The following CFAP69 variants were observed in gnomAD, a reference collection of about 807,000 sequenced individuals.
The protein encoded by CFAP69 is cilia- and flagella-associated protein 69.
In CFAP69, 92 loss-of-function variants were observed where a neutral mutation model predicts 123.0. The observed-to-expected ratio is 0.75, with a 90% CI of 0.63 to 0.89. The LOEUF is 0.89. Ranked by LOEUF, CFAP69 falls within the 40% of genes least tolerant of loss-of-function variation. The pLI, the probability that CFAP69 is intolerant of heterozygous loss-of-function variation, is 0.00. For synonymous variants in CFAP69, 380 were observed against 364.3 expected (o/e 1.04, Z -0.49); for missense variants, 1,067 against 1,096.9 (o/e 0.97, Z 0.39).
intron 20 of CFAP69, 33 bp from the exon 21 acceptor site, chr7:90,307,735 G>T: frequency 3.5e-6 from 5 of 1,414,532 alleles, no homozygotes; most frequent in Non-Finnish European, 3.9e-6. Flanking sequence ...AGAAAAAAAA[G>T]AAACTGAAAC....
chr7:90,255,349 ATAAAT>A, intron 1 of CFAP69, 69 bp from the exon 2 acceptor site: 2 of 1,184,906 alleles, frequency 1.7e-6, no homozygotes, highest in Non-Finnish European at 2.5e-6. Flanking sequence ...AAAGTATCAT[ATAAAT>A]TAGTGTGTTA....
chr7:90,299,880 A>C lies in CFAP69; in HGVS notation c.1871A>C (p.Lys624Thr). 1 of 1,602,270 alleles carries C rather than the reference A, an allele frequency of 6.2e-7. No individual in the cohort carries two copies. Among genetic ancestry groups the C allele is most frequent in the South Asian group, 1.1e-5 (1 of 88,214 alleles). The change falls in exon 17 of 23, where the codon AAA becomes ACA. Residue 624 changes from lysine (K) to threonine (T), a missense_variant. Coordinates refer to ENST00000389297, the MANE Select transcript of CFAP69 (RefSeq NM_001039706.3). ...LLDLLALNQK[K>T]FCNLILGIMV... ...TCCTTGCTAAAGTTGAACCAAAAAA[A>C]ATTCTGTAATCTAATACTTGGAATA...
intron 1 of CFAP69, among the ~76,000 whole-genome samples, chr7:90,246,029 C>T (rs1208326939): frequency 1.3e-5 from 2 of 152,084 alleles, no homozygotes; most frequent in Non-Finnish European, 2.9e-5. Context: ...GGGAGGAAAA[C>T]GCTGTTAAAT....
downstream of CFAP69, among the ~76,000 whole-genome samples, chr7:90,311,511 C>T (rs1794327055): frequency 6.6e-6 from 1 of 152,186 alleles, no homozygotes; most frequent in African/African-American, 2.4e-5. Flanking sequence ...CCATTGAATA[C>T]ATGGTTGGGA....
chr7:90,245,997 C>T (rs1023953219), intron 1 of CFAP69, among the ~76,000 whole-genome samples: 2 of 152,084 alleles, frequency 1.3e-5, no homozygotes, highest in African/African-American at 4.8e-5. Context: ...AAATTTGCTG[C>T]GACTAAAGCC....
intron 16 of CFAP69, among the ~76,000 whole-genome samples, chr7:90,298,341 T>C (rs1223735751): frequency 6.6e-6 from 1 of 152,184 alleles, no homozygotes; most frequent in Admixed American, 6.5e-5. Context: ...GGCCTTCCAA[T>C]AGAGACAGTG....
intron 13 of CFAP69, among the ~76,000 whole-genome samples, chr7:90,285,881 G>T (rs186644722): frequency 2.0e-5 from 3 of 152,282 alleles, no homozygotes; most frequent in Non-Finnish European, 4.4e-5. Flanking sequence ...TGAGGCTATG[G>T]ATTACATTCA....
chr7:90,245,244 G>A lies in CFAP69; in HGVS notation c.-181G>A. The A allele has an allele frequency of 1.4e-6, 1 of 726,276 alleles. No individual in the cohort carries two copies. Among genetic ancestry groups the A allele is most frequent in the Non-Finnish European group, 2.0e-6 (1 of 499,286 alleles). The allele number at this position is 726,276 out of a possible 1,614,324, so 45.0% of individuals were successfully genotyped here. A position where few individuals can be genotyped will look rare whatever the true frequency, so the allele number is the denominator to read the frequency against. Reference sequence around the variant, plus strand: ...CTGGGTCAACTGGGGGGCGGCAGCGGCGCTAAGCGGACTGTATGGCGGTGG... The same window carrying A: ...CTGGGTCAACTGGGGGGCGGCAGCGACGCTAAGCGGACTGTATGGCGGTGG... On this transcript the variant is annotated 5_prime_UTR_variant, in exon 1 of 23. Coordinates refer to ENST00000389297, the MANE Select transcript of CFAP69 (RefSeq NM_001039706.3).
chr7:90,298,599 C>T (rs1331051014), intron 16 of CFAP69, among the ~76,000 whole-genome samples: 1 of 152,130 alleles, frequency 6.6e-6, no homozygotes, highest in Non-Finnish European at 1.5e-5. Context: ...GCCCCTTAAC[C>T]TCCCTGAAAG....
chr7:90,319,388 TG>T, the CFAP69 span: 5 of 398,458 alleles, frequency 1.3e-5, no homozygotes, highest in East Asian at 1.4e-4. Context: ...AAATTATATT[TG>T]GGGGGCATCA....
chr7:90,313,154 T>C (rs1221294725), downstream of CFAP69, among the ~76,000 whole-genome samples: 1 of 152,224 alleles, frequency 6.6e-6, no homozygotes, highest in Admixed American at 6.5e-5. Flanking sequence ...ATTCTTCTGA[T>C]AATGTAGTTT....
At position 90,264,104 on chromosome 7, in the gene CFAP69, AATATATATATATATATATATATAT is replaced by A. The variant is rs71104454; in HGVS notation, c.357-1174_357-1151del. 1.4e-4 allele frequency among the ~76,000 whole-genome samples: 7 copies of A among 48,890 alleles called. 1 individual carries two copies. In the Admixed American group the frequency reaches 1.9e-3, roughly 14 times the overall value. 32.1% of individuals were successfully genotyped at this position (48,890 alleles called of 152,430 possible). A position where few individuals can be genotyped will look rare whatever the true frequency, so the allele number is the denominator to read the frequency against. ...AGACTCCATCTCGAAAAAAAAAAAAAATATATATATATATATATATATATATATATATATATATATATATATGAA... is the reference window on the plus strand; with the variant it reads ...AGACTCCATCTCGAAAAAAAAAAAAAATATATATATATATATATATATGAA... On this transcript the variant is annotated intron_variant, in intron 4 of 22. Coordinates refer to ENST00000389297, the MANE Select transcript of CFAP69 (RefSeq NM_001039706.3).
At position 90,310,104 on chromosome 7, in the gene CFAP69, C is replaced by G; in HGVS notation, c.2692C>G (p.Pro898Ala). 6.2e-7 allele frequency: 1 copy of G among 1,613,742 alleles called. No individual in the cohort carries two copies. The highest frequency in any genetic ancestry group is 8.5e-7 in the Non-Finnish European group (1 of 1,179,778). Residue 898 changes from proline to alanine, a missense_variant, in exon 23 of 23, where the codon CCT becomes GCT. Physicochemically the swap from Pro to Ala is conservative, Grantham distance 27. Transcript: ENST00000389297. ...TGGAGTAGTAACAGTGGAAAGCACT[C>G]CTGCCCGATTAGTAGGAGGACCTCT... is the stretch of plus-strand genomic sequence containing the variant. ...SGGVVTVEST[P>A]ARLVGGPLVD...
At chr7:90,302,824 T>C (rs1051515599) in intron 17 of CFAP69, 3 of 152,206 alleles carry the variant, frequency 2.0e-5, no homozygotes, top group African/African-American at 7.2e-5. Context: ...CCATATGATT[T>C]TTTGAATAGT....
intron 1 of CFAP69, among the ~76,000 whole-genome samples, chr7:90,253,914 A>G (rs1797326359): frequency 6.6e-6 from 1 of 152,142 alleles, no homozygotes; most frequent in Admixed American, 6.5e-5. Context: ...CTGTGCCCAG[A>G]CTAGTGTCCT....
chr7:90,283,157 T>A, intron 13 of CFAP69, 101 bp downstream of exon 13: 1 of 841,470 alleles, frequency 1.2e-6, no homozygotes, highest in Non-Finnish European at 1.7e-6. Context: ...TCTTTATGAC[T>A]GAGAAATTCC....
chr7:90,264,704 CT>C (rs1798890541), intron 4 of CFAP69, among the ~76,000 whole-genome samples: 1 of 152,016 alleles, frequency 6.6e-6, no homozygotes, highest in African/African-American at 2.4e-5. Flanking sequence ...TGCAAAATGG[CT>C]TTCTTAACCT....
chr7:90,285,816 T>C (rs1163173069), intron 13 of CFAP69, among the ~76,000 whole-genome samples: 1 of 152,230 alleles, frequency 6.6e-6, no homozygotes, highest in Non-Finnish European at 1.5e-5. Context: ...TGTCAGGTTA[T>C]TGGGGCATCC....
At position 90,245,471 on chromosome 7, in the gene CFAP69, G is replaced by T; in HGVS notation, c.47G>T (p.Gly16Val). 2 of 1,554,036 alleles carry T rather than the reference G, an allele frequency of 1.3e-6. No homozygotes were observed. Among genetic ancestry groups the T allele is most frequent in the Non-Finnish European group, 1.7e-6 (2 of 1,153,976 alleles). ...AGATAEAQES[G>V]IRNKSSSSSQ... ...GCGACCGCCGAGGCCCAGGAATCCG[G>T]CATCAGGAACAAGTCTAGCAGTTCC... Residue 16 changes from glycine to valine, a missense_variant, in exon 1 of 23, where the codon GGC becomes GTC. Transcript: ENST00000389297.
Sources: allele counts gnomAD v4.1 joint callset (sites outside exome capture counted in the v4.1 genomes callset), GRCh38; gene constraint gnomAD v4.1.1; transcripts MANE v1.5; gene names NCBI Gene and HGNC (gene_info 2026-07-23, HGNC 2026-07-21).